The following EDAR variants were observed in gnomAD, a reference collection of about 807,000 sequenced individuals.
EDAR encodes the protein ectodysplasin A receptor, also known as tumor necrosis factor receptor superfamily member EDAR.
Under a neutral mutation model 51.3 loss-of-function variants are expected in EDAR, and 38 were observed. That is an observed-to-expected ratio of 0.74 (90% confidence interval 0.57 to 0.97). The LOEUF is 0.97. Among genes scored for constraint, EDAR ranks in the 50% least tolerant of loss-of-function variants. The probability of loss-of-function intolerance (pLI) is 0.00; values close to 1 mark genes in which losing one functional copy is unlikely to be tolerated. For synonymous variants in EDAR, 227 were observed against 242.1 expected (o/e 0.94, Z 0.58); for missense variants, 528 against 595.0 (o/e 0.89, Z 1.17).
intron 1 of EDAR, among the ~76,000 whole-genome samples, chr2:108,980,594 G>A: frequency 6.6e-6 from 1 of 152,124 alleles, no homozygotes; most frequent in East Asian, 1.9e-4. Context: ...ATGGATAAAG[G>A]TAAAACAGGA....
intron 1 of EDAR, among the ~76,000 whole-genome samples, chr2:108,974,351 A>AG (rs1698287045): frequency 1.3e-5 from 2 of 150,992 alleles, no homozygotes; most frequent in African/African-American, 4.9e-5. Context: ...AAAAAAAAAA[A>AG]AAAGAAATGC....
At chr2:108,976,848 C>T (rs1321819821) in intron 1 of EDAR, among the ~76,000 whole-genome samples, 1 of 151,928 alleles carries the variant, frequency 6.6e-6, no homozygotes, top group Non-Finnish European at 1.5e-5. Flanking sequence ...CTTTCTGGCA[C>T]TACAAGGTGC....
intron 6 of EDAR, 36 bp downstream of exon 6, chr2:108,912,642 A>G (rs1368536040): frequency 6.5e-7 from 1 of 1,527,396 alleles, no homozygotes; most frequent in Non-Finnish European, 8.9e-7. Context: ...AGTACCACCT[A>G]ACTCCAGGTG....
At chr2:108,910,617 G>T in intron 8 of EDAR, 85 bp from the exon 9 acceptor site, 1 of 1,407,830 alleles carries the variant, frequency 7.1e-7, no homozygotes, top group Non-Finnish European at 1.0e-6. Flanking sequence ...TCTTCCTGTT[G>T]GGCAGAGCTG....
chr2:108,964,119 TG>T (rs1698105323), intron 1 of EDAR, among the ~76,000 whole-genome samples: 1 of 152,230 alleles, frequency 6.6e-6, no homozygotes, highest in Non-Finnish European at 1.5e-5. Flanking sequence ...CACGTATGGC[TG>T]TGGCTACCCC....
rs886054740 is a variant in EDAR, at chr2:108,895,681, T to A, written c.*1226A>T. 6.6e-6 allele frequency: 1 copy of A among 152,134 alleles called. No homozygotes were observed. The highest frequency in any genetic ancestry group is 1.5e-5 in the Non-Finnish European group (1 of 68,054). The allele number at this position is 152,134 out of a possible 1,614,324, so 9.4% of individuals were successfully genotyped here. A position where few individuals can be genotyped will look rare whatever the true frequency, so the allele number is the denominator to read the frequency against. On this transcript the variant is annotated 3_prime_UTR_variant, in exon 12 of 12. Transcript: ENST00000258443. ...AACCCTACCTGCCCCAATTATAGAA[T>A]CACTAACTAACATCTCATTGGCAGA...
At chr2:108,915,400 A>G (rs900226396) in intron 5 of EDAR, among the ~76,000 whole-genome samples, 4 of 152,210 alleles carry the variant, frequency 2.6e-5, no homozygotes, top group Non-Finnish European at 5.9e-5. Context: ...AGCTTGGCCA[A>G]TGAAACATTG....
At chr2:108,931,207 G>A (rs1697360877) in intron 1 of EDAR, among the ~76,000 whole-genome samples, 175 bp from the exon 2 acceptor site, 1 of 152,258 alleles carries the variant, frequency 6.6e-6, no homozygotes, top group African/African-American at 2.4e-5. Context: ...CACTTGGGCT[G>A]ACTCTGGGGC....
intron 1 of EDAR, among the ~76,000 whole-genome samples, chr2:108,953,316 C>CGTG (rs1453521943): frequency 6.6e-6 from 1 of 152,126 alleles, no homozygotes; most frequent in Non-Finnish European, 1.5e-5. Context: ...CAAGACCCAC[C>CGTG]GGTAAACTTC....
At chr2:108,906,390 T>C in intron 10 of EDAR, 22 bp from the exon 11 acceptor site, 2 of 1,613,966 alleles carry the variant, frequency 1.2e-6, no homozygotes, top group Non-Finnish European at 1.7e-6. Flanking sequence ...AGTCGAGAAT[T>C]TTCATCTCCA....
intron 1 of EDAR, among the ~76,000 whole-genome samples, chr2:108,987,718 G>A (rs1359847453): frequency 6.6e-6 from 1 of 152,148 alleles, no homozygotes; most frequent in Non-Finnish European, 1.5e-5. Context: ...GGAGACCCCC[G>A]GCCAATCGCC....
At chr2:108,920,979 C>T (rs1697125465) in intron 5 of EDAR, among the ~76,000 whole-genome samples, 1 of 152,088 alleles carries the variant, frequency 6.6e-6, no homozygotes, top group Admixed American at 6.5e-5. Context: ...CATAACCTAC[C>T]GTAGTGGTTC....
At chr2:108,959,254 G>A (rs1364749711) in intron 1 of EDAR, among the ~76,000 whole-genome samples, 1 of 152,222 alleles carries the variant, frequency 6.6e-6, no homozygotes, top group Non-Finnish European at 1.5e-5. Context: ...AGGGGCTGAT[G>A]ATGGCCTATG....
intron 1 of EDAR, among the ~76,000 whole-genome samples, chr2:108,963,509 A>T (rs1397124333): frequency 6.6e-6 from 1 of 152,178 alleles, no homozygotes; most frequent in Non-Finnish European, 1.5e-5. Context: ...CCCGTTACCC[A>T]ATGTACCCCA....
intron 1 of EDAR, among the ~76,000 whole-genome samples, chr2:108,982,941 C>T (rs1698441619): frequency 1.3e-5 from 2 of 152,174 alleles, no homozygotes; most frequent in African/African-American, 4.8e-5. Context: ...CTCTCTCTCT[C>T]CAAATCTCTC....
At chr2:108,918,371 C>T (rs1697065912) in intron 5 of EDAR, among the ~76,000 whole-genome samples, 1 of 152,212 alleles carries the variant, frequency 6.6e-6, no homozygotes, top group African/African-American at 2.4e-5. Flanking sequence ...CTGTGTGTTT[C>T]GGTTCATCTG....
chr2:108,979,517 G>T (rs566228053), intron 1 of EDAR, among the ~76,000 whole-genome samples: 9 of 151,550 alleles, frequency 5.9e-5, no homozygotes, highest in Non-Finnish European at 1.0e-4. Flanking sequence ...CACACCCCAG[G>T]AGCTGAAGTG....
chr2:108,938,794 C>T (rs1054572410), intron 1 of EDAR, among the ~76,000 whole-genome samples: 30 of 147,004 alleles, frequency 2.0e-4, no homozygotes, highest in African/African-American at 6.6e-4. Context: ...CTTCCCCCCC[C>T]GCCCCACCCC....
chr2:108,909,021 G>C (rs1363448790), intron 9 of EDAR, among the ~76,000 whole-genome samples: 1 of 152,174 alleles, frequency 6.6e-6, no homozygotes, highest in African/African-American at 2.4e-5. Context: ...CCCAGGTCCT[G>C]TCTCTGAGAC....
Sources: gnomAD v4.1 joint callset for allele counts (sites outside exome capture counted in the v4.1 genomes callset) on GRCh38, gnomAD v4.1.1 for gene constraint, MANE v1.5 for transcripts, NCBI Gene and HGNC (gene_info 2026-07-23, HGNC 2026-07-21) for gene names.